SGSM2: variants seen among roughly 807,000 people sequenced by gnomAD.
The protein encoded by SGSM2 is small G protein signaling modulator 2.
In SGSM2, 89 loss-of-function variants were observed where a neutral mutation model predicts 126.6. That is an observed-to-expected ratio of 0.70 (90% CI 0.59 to 0.84). The LOEUF is 0.84. Ranked by LOEUF, SGSM2 falls within the 40% of genes least tolerant of loss-of-function variation. The pLI, the probability that SGSM2 is intolerant of heterozygous loss-of-function variation, is 0.00. For synonymous variants in SGSM2, 614 were observed against 574.3 expected, an observed-to-expected ratio of 1.07 and a Z score of -0.99; for missense variants, 1,404 against 1,416.6, an observed-to-expected ratio of 0.99 and a Z score of 0.14.
At position 2,337,948 on chromosome 17, in the gene SGSM2, C is replaced by CT. The variant is rs1433245759; in HGVS notation, c.57+204dup. Among the ~76,000 whole-genome samples the CT allele has an allele frequency of 2.0e-5, 3 of 152,018 alleles. No individual in the cohort carries two copies. The East Asian group carries it at 5.8e-4, about 30-fold the overall frequency. ...CTCTGCCCGGGGGACCCGGCCGGCG[C>CT]TCCCGGCTTGTTTGCTTCGCAGCCC... On this transcript the variant is annotated intron_variant, in intron 1 of 23. Coordinates refer to ENST00000268989, the MANE Select transcript of SGSM2 (RefSeq NM_014853.3). This position sits in a 1 kb window ranked among gnomAD's most constrained non-coding sequence, Gnocchi z 5.1.
Position 2,380,102 on chromosome 17 carries a change from G to T in SGSM2, c.*582G>T. ...GCCGCTCCCCCGAGATTCTGGGGCA[G>T]TCGGAAGATGTGGGCCCTGGGTGGG... On this transcript the variant is annotated 3_prime_UTR_variant, in exon 24 of 24. Coordinates refer to ENST00000268989, the MANE Select transcript of SGSM2 (RefSeq NM_014853.3). The T allele has an allele frequency of 7.1e-7, 1 of 1,401,188 alleles. No homozygotes were observed. The highest frequency in any genetic ancestry group is 1.5e-5 in the African/African-American group (1 of 68,174). 86.8% of individuals were successfully genotyped at this position (1,401,188 alleles called of 1,614,324 possible). A position where few individuals can be genotyped will look rare whatever the true frequency, so the allele number is the denominator to read the frequency against.
intron 2 of SGSM2, among the ~76,000 whole-genome samples, chr17:2,344,085 G>C (rs2064489495): frequency 1.3e-5 from 2 of 152,176 alleles, no homozygotes; most frequent in Admixed American, 1.3e-4. Context: ...CACCCGTGTT[G>C]CTCCATGATC....
intron 17 of SGSM2, 188 bp from the exon 18 acceptor site, chr17:2,375,304 T>C: frequency 1.5e-6 from 1 of 649,242 alleles, no homozygotes; most frequent in South Asian, 2.2e-5. Flanking sequence ...GGCCAGAGGC[T>C]TGTTTCTCTC....
chr17:2,373,569 G>C (rs1312820284), intron 17 of SGSM2, 56 bp downstream of exon 17: 2 of 1,499,168 alleles, frequency 1.3e-6, no homozygotes, highest in Middle Eastern at 1.8e-4. Context: ...CGCGTTTTAT[G>C]CACAGTGGTC....
In SGSM2 at chr17:2,363,485, C is replaced by T. The variant is rs145512575; in HGVS notation, c.693C>T (p.Ser231=). Residue 231 remains serine (S), a synonymous_variant, in exon 7 of 24, where the codon AGC becomes AGT. Coordinates refer to ENST00000268989, the MANE Select transcript of SGSM2 (RefSeq NM_014853.3). The surrounding 1 kb of genome is among the most constrained non-coding windows in gnomAD (Gnocchi z 4.2). ...PALGIRKRHS[S]GSASEDRLAA... Reference sequence around the variant, plus strand: ...CACAGATCCGGAAACGGCACTCAAGCGGCAGCGCGTCGGAGGACAGGCTGG... The same window carrying T: ...CACAGATCCGGAAACGGCACTCAAGTGGCAGCGCGTCGGAGGACAGGCTGG... 4.8e-5 allele frequency: 78 copies of T among 1,613,268 alleles called. No individual in the cohort carries two copies. In the African/African-American group the frequency reaches 5.6e-4, roughly 12 times the overall value.
Position 2,339,979 on chromosome 17 carries a change from C to A in SGSM2, c.57+2234C>A, listed in dbSNP as rs1597294314. Among the ~76,000 whole-genome samples, 3 of 152,254 alleles carry A rather than the reference C, an allele frequency of 2.0e-5. No individual in the cohort carries two copies. In the South Asian group the frequency reaches 6.2e-4, roughly 32 times the overall value. ...GAAAAGAGAAATCTTGATTCTCCTGCAAAAGGAAGCAGTCTAGTGACAGAG... is the reference window on the plus strand; with the variant it reads ...GAAAAGAGAAATCTTGATTCTCCTGAAAAAGGAAGCAGTCTAGTGACAGAG... On this transcript the variant is annotated intron_variant, in intron 1 of 23. Coordinates refer to ENST00000268989, the MANE Select transcript of SGSM2 (RefSeq NM_014853.3).
intron 18 of SGSM2, 128 bp from the exon 19 acceptor site, chr17:2,376,009 C>T (rs1042448168): frequency 2.6e-6 from 4 of 1,520,284 alleles, no homozygotes; most frequent in Non-Finnish European, 3.5e-6. Flanking sequence ...GCCCATTTCT[C>T]AGCATCCCCA....
At chr17:2,340,811 C>G (rs930935856) in intron 1 of SGSM2, among the ~76,000 whole-genome samples, 11 of 152,154 alleles carry the variant, frequency 7.2e-5, no homozygotes, top group Non-Finnish European at 1.0e-4. Flanking sequence ...GTCTCGATCT[C>G]CTGACCTCGT....
At chr17:2,340,812 CT>C (rs1194475877) in intron 1 of SGSM2, among the ~76,000 whole-genome samples, 3 of 152,250 alleles carry the variant, frequency 2.0e-5, no homozygotes, top group East Asian at 1.9e-4. Context: ...TCTCGATCTC[CT>C]GACCTCGTGA....
rs548597020 is a variant in SGSM2, at chr17:2,376,554, T to TG, written c.2610-172dup. ...TGGCTCTCCCTAAGTCGGAGTGCCT[T>TG]GGGGGGGACCCGTGGGTTGTTCCCC... On this transcript the variant is annotated intron_variant, in intron 19 of 23. Transcript: ENST00000268989. 32 of 750,270 alleles carry TG rather than the reference T, an allele frequency of 4.3e-5. No homozygotes were observed. The Middle Eastern group carries it at 1.1e-3, about 27-fold the overall frequency. 46.5% of individuals were successfully genotyped at this position (750,270 alleles called of 1,614,324 possible).
In SGSM2 at chr17:2,364,986, C is replaced by A. The variant is rs1322301045; in HGVS notation, c.1090C>A (p.Leu364Met). 1 of 1,613,608 alleles carries A rather than the reference C, an allele frequency of 6.2e-7. No homozygotes were observed. The highest frequency in any genetic ancestry group is 2.2e-5 in the East Asian group (1 of 44,890). Reference protein sequence around the residue: ...FPQGGHLLSFLSCLENGLLPR... With the variant: ...FPQGGHLLSFMSCLENGLLPR... Reference sequence around the variant, plus strand: ...ACAGGGAGGACACCTGCTGTCCTTTCTGTCCTGTCTGGAGAATGGGCTGCT... The same window carrying A: ...ACAGGGAGGACACCTGCTGTCCTTTATGTCCTGTCTGGAGAATGGGCTGCT... The change falls in exon 10 of 24, where the codon CTG becomes ATG. Residue 364 changes from leucine to methionine, a missense_variant. Coordinates refer to ENST00000268989, the MANE Select transcript of SGSM2 (RefSeq NM_014853.3).
intron 2 of SGSM2, among the ~76,000 whole-genome samples, chr17:2,357,696 C>T (rs2065138288): frequency 6.6e-6 from 1 of 152,138 alleles, no homozygotes; most frequent in Non-Finnish European, 1.5e-5. Flanking sequence ...CGGAGTTTCA[C>T]CATATTGGCC....
rs201589819 is a variant in SGSM2 at position 2,376,710 on chromosome 17, G to A, written c.2610-23G>A. 390 of 1,613,140 alleles carry A rather than the reference G, an allele frequency of 2.4e-4. No individual in the cohort carries two copies. The African/African-American group carries it at 4.8e-3, about 20-fold the overall frequency. On this transcript the variant is annotated intron_variant, in intron 19 of 23. Transcript: ENST00000268989. Reference sequence around the variant, plus strand: ...GAGGGAAGAATGGGGCACAGCCACAGTGACTCTCCCCCTGCCTTTCAGCTA... The same window carrying A: ...GAGGGAAGAATGGGGCACAGCCACAATGACTCTCCCCCTGCCTTTCAGCTA...
chr17:2,363,930 C>T lies in SGSM2; in HGVS notation c.808-129C>T, dbSNP rs762890097. 19 of 1,132,104 alleles carry T rather than the reference C, an allele frequency of 1.7e-5. No individual in the cohort carries two copies. Among genetic ancestry groups the T allele is most frequent in the Non-Finnish European group, 2.5e-5 (19 of 775,222 alleles). 70.1% of individuals were successfully genotyped at this position (1,132,104 alleles called of 1,614,324 possible). A position where few individuals can be genotyped will look rare whatever the true frequency, so the allele number is the denominator to read the frequency against. The stretch of plus-strand genomic sequence containing the variant: ...TGTTTTCCTGTGCTTCTGCCCCGTC[C>T]CTAGTCCAGGACCCCGTGACTAGCC... On this transcript the variant is annotated intron_variant, in intron 7 of 23. Coordinates refer to ENST00000268989, the MANE Select transcript of SGSM2 (RefSeq NM_014853.3). This position sits in a 1 kb window ranked among gnomAD's most constrained non-coding sequence, Gnocchi z 4.2.
chr17:2,380,335 A>G lies in SGSM2; in HGVS notation c.*815A>G. On this transcript the variant is annotated 3_prime_UTR_variant, in exon 24 of 24. Transcript: ENST00000268989. ...GGATGATCTGGAATGCGACCGGAGC[A>G]CTTGCTCTGAGGAATCCCAGGGTGA... 6.5e-7 allele frequency: 1 copy of G among 1,532,690 alleles called. No individual in the cohort carries two copies. The highest frequency in any genetic ancestry group is 8.7e-7 in the Non-Finnish European group (1 of 1,144,046). The allele number at this position is 1,532,690 out of a possible 1,614,324, so 94.9% of individuals were successfully genotyped here.
intron 2 of SGSM2, among the ~76,000 whole-genome samples, chr17:2,350,182 A>G (rs2064789631): frequency 6.6e-6 from 1 of 151,706 alleles, no homozygotes. Flanking sequence ...TCGGTCTCCC[A>G]AAGTGCTGGG....
chr17:2,365,126 C>T (rs1229208480), intron 10 of SGSM2, 69 bp downstream of exon 10: 2 of 1,596,652 alleles, frequency 1.3e-6, no homozygotes, highest in Non-Finnish European at 1.7e-6. Flanking sequence ...CCTTCCTTCC[C>T]CACGTGGAGT....
chr17:2,365,382 C>A (rs368746139), intron 11 of SGSM2, 41 bp downstream of exon 11: 2 of 1,499,766 alleles, frequency 1.3e-6, no homozygotes, highest in African/African-American at 1.4e-5. Context: ...GAGAGGAAGA[C>A]GCTCTGGGAG....
At chr17:2,365,466 C>CG in intron 11 of SGSM2, 125 bp downstream of exon 11, 3 of 1,126,690 alleles carry the variant, frequency 2.7e-6, no homozygotes, top group Non-Finnish European at 3.7e-6. Flanking sequence ...ACCAGAGGCT[C>CG]ATCGCCTAGC....
Sources: allele counts gnomAD v4.1 joint callset (sites outside exome capture counted in the v4.1 genomes callset), GRCh38; gene constraint gnomAD v4.1.1; non-coding constraint Gnocchi (gnomAD v3.1); transcripts MANE v1.5; gene names NCBI Gene and HGNC (gene_info 2026-07-23, HGNC 2026-07-21).